The following PUM1 variants were observed in gnomAD, a reference collection of about 807,000 sequenced individuals.
The protein encoded by PUM1 is pumilio homolog 1.
A neutral mutation model predicts 131.8 loss-of-function variants in PUM1; 13 were observed. The ratio of observed to expected loss-of-function variants is 0.10; its 90% CI spans 0.06 to 0.16. The LOEUF (loss-of-function observed/expected upper bound fraction) is 0.16, where lower values mean the gene tolerates loss of function less well. Among genes scored for constraint, PUM1 ranks in the 10% least tolerant of loss-of-function variants. The pLI, the probability that PUM1 is intolerant of heterozygous loss-of-function variation, is 1.00. For synonymous variants in PUM1, 509 were observed against 556.5 expected, an observed-to-expected ratio of 0.91 and a Z score of 1.20; for missense variants, 961 against 1,512.4, an observed-to-expected ratio of 0.64 and a Z score of 6.05.
At chr1:30,947,561 C>T (rs140957868) in intron 17 of PUM1, among the ~76,000 whole-genome samples, 1 of 152,146 alleles carries the variant, frequency 6.6e-6, no homozygotes, top group Admixed American at 6.5e-5. Context: ...AAACTCATTG[C>T]CCCAGGTCTT....
intron 14 of PUM1, among the ~76,000 whole-genome samples, chr1:30,961,614 A>G (rs898938477): frequency 6.6e-6 from 1 of 152,210 alleles, no homozygotes; most frequent in Non-Finnish European, 1.5e-5. Context: ...ATGCCACTCA[A>G]TAAGTGATTT....
At chr1:30,942,176 A>C in intron 18 of PUM1, 53 bp from the exon 19 acceptor site, 1 of 1,006,426 alleles carries the variant, frequency 9.9e-7, no homozygotes, top group Non-Finnish European at 1.4e-6. Context: ...ACCACCTTCA[A>C]TGCTTCAGTA....
chr1:30,950,940 G>T (rs1320883973), intron 16 of PUM1, among the ~76,000 whole-genome samples: 1 of 152,190 alleles, frequency 6.6e-6, no homozygotes, highest in African/African-American at 2.4e-5. Context: ...ATCATTAAGA[G>T]AATTGATTTT....
chr1:31,045,034 G>C (rs1030088906), intron 2 of PUM1, among the ~76,000 whole-genome samples: 1 of 152,032 alleles, frequency 6.6e-6, no homozygotes, highest in Non-Finnish European at 1.5e-5. Context: ...TCCTGACCTC[G>C]TGATCCACCC....
chr1:31,062,522 A>C (rs932228757), intron 1 of PUM1, among the ~76,000 whole-genome samples: 5 of 151,406 alleles, frequency 3.3e-5, no homozygotes, highest in Non-Finnish European at 7.4e-5. Context: ...CGGGAGACTG[A>C]GGCAGAAGAA....
chr1:31,001,862 G>A (rs758817376), intron 5 of PUM1, among the ~76,000 whole-genome samples: 2 of 152,102 alleles, frequency 1.3e-5, no homozygotes, highest in Non-Finnish European at 1.5e-5. Context: ...GAGATAACGC[G>A]TATGATAGCA....
chr1:31,026,112 C>T (rs966131235), intron 3 of PUM1, among the ~76,000 whole-genome samples: 1 of 151,824 alleles, frequency 6.6e-6, no homozygotes, highest in African/African-American at 2.4e-5. Flanking sequence ...TAAAATTAGC[C>T]GGGCACGGCG....
intron 2 of PUM1, among the ~76,000 whole-genome samples, chr1:31,048,928 G>A (rs941113563): frequency 8.5e-5 from 13 of 152,080 alleles, no homozygotes; most frequent in South Asian, 2.1e-4. Flanking sequence ...TTTTGAGGCC[G>A]GGCGCAGTGG....
intron 2 of PUM1, 107 bp from the exon 3 acceptor site, chr1:31,028,971 G>A: frequency 1.1e-6 from 1 of 875,566 alleles, no homozygotes; most frequent in Non-Finnish European, 1.9e-6. Context: ...TCAGACATTG[G>A]CAAAGACAAT....
Position 31,061,591 on chromosome 1 carries a change from T to A in PUM1, c.-11-2014A>T, listed in dbSNP as rs1034872920. 2.6e-5 allele frequency: 4 copies of A among 151,096 alleles called. No homozygotes were observed. The East Asian group carries it at 7.8e-4, about 30-fold the overall frequency. The allele number at this position is 151,096 out of a possible 1,614,324, so 9.4% of individuals were successfully genotyped here. Reference sequence around the variant, plus strand: ...CTCCAGCCGGGCGACAGAGCGAGACTCTGTCTCAAAATAAATAAATAAATA... The same window carrying A: ...CTCCAGCCGGGCGACAGAGCGAGACACTGTCTCAAAATAAATAAATAAATA... On this transcript the variant is annotated intron_variant, in intron 1 of 21. Transcript: ENST00000426105.
intron 3 of PUM1, among the ~76,000 whole-genome samples, chr1:31,008,161 T>C (rs550734147): frequency 2.0e-5 from 3 of 152,306 alleles, no homozygotes; most frequent in South Asian, 2.1e-4. Flanking sequence ...AAGGTTTAAC[T>C]TTCCCATTTA....
intron 2 of PUM1, chr1:31,036,959 C>A: frequency 5.8e-6 from 1 of 171,792 alleles, no homozygotes; most frequent in East Asian, 1.5e-4. Flanking sequence ...AAAGATACTG[C>A]TGATTACCAT....
In PUM1 at chr1:31,023,508, T is replaced by A. The variant is rs10914247; in HGVS notation, c.432+5288A>T. 5.9e-3 allele frequency among the ~76,000 whole-genome samples: 894 copies of A among 152,236 alleles called. 11 individuals carry two copies. The highest frequency in any genetic ancestry group is 0.02 in the African/African-American group (847 of 41,540). Reference sequence around the variant, plus strand: ...ATAATAGAAAGATGTGGGAAAAAAATTTAACAGATTTAGTCTCCATACTGG... The same window carrying A: ...ATAATAGAAAGATGTGGGAAAAAAAATTAACAGATTTAGTCTCCATACTGG... On this transcript the variant is annotated intron_variant, in intron 3 of 21. Coordinates refer to ENST00000426105, the MANE Select transcript of PUM1 (RefSeq NM_001020658.2).
intron 18 of PUM1, among the ~76,000 whole-genome samples, chr1:30,943,417 A>AT (rs1447670371): frequency 6.6e-6 from 1 of 151,900 alleles, no homozygotes; most frequent in Non-Finnish European, 1.5e-5. Context: ...CACCCGGCTA[A>AT]TTTTTTGTAT....
At chr1:30,952,144 A>G (rs1639960786) in intron 16 of PUM1, 90 bp downstream of exon 16, 12 of 1,286,182 alleles carry the variant, frequency 9.3e-6, no homozygotes, top group Non-Finnish European at 1.4e-5. Context: ...TGAGGACTGG[A>G]ATGGGACTGC....
chr1:31,052,716 T>G (rs1378456309), intron 2 of PUM1, among the ~76,000 whole-genome samples: 1 of 150,186 alleles, frequency 6.7e-6, no homozygotes, highest in Non-Finnish European at 1.5e-5. Flanking sequence ...TTTTTTTTTT[T>G]GAGACAGAGC....
chr1:30,945,571 A>T, intron 17 of PUM1, 88 bp from the exon 18 acceptor site: 1 of 1,386,918 alleles, frequency 7.2e-7, no homozygotes, highest in Non-Finnish European at 1.0e-6. Context: ...TGAAAGCACT[A>T]CTGAACAGAG....
At chr1:31,038,984 A>ATATATATATTTTTTTTTTTTTTTTT in intron 2 of PUM1, among the ~76,000 whole-genome samples, 1 of 49,418 alleles carries the variant, frequency 2.0e-5, no homozygotes, top group Non-Finnish European at 3.1e-5. Flanking sequence ...ATATATATAT[A>ATATATATATTTTTTTTTTTTTTTTT]TTTTTTTTTT....
At chr1:31,062,950 C>G (rs552005416) in intron 1 of PUM1, among the ~76,000 whole-genome samples, 1 of 152,286 alleles carries the variant, frequency 6.6e-6, no homozygotes, top group Non-Finnish European at 1.5e-5. Context: ...TTAAGAATTC[C>G]AATCCATCAG....
Sources: allele counts gnomAD v4.1 joint callset (sites outside exome capture counted in the v4.1 genomes callset), GRCh38; gene constraint gnomAD v4.1.1; transcripts MANE v1.5; gene names NCBI Gene and HGNC (gene_info 2026-07-23, HGNC 2026-07-21).